The following SVIL variants were observed in gnomAD, a reference collection of about 807,000 sequenced individuals.
SVIL encodes supervillin, also known as archvillin.
SVIL carries 101 observed loss-of-function variants against 240.4 expected under a neutral mutation model. The observed-to-expected ratio is 0.42, with a 90% CI of 0.36 to 0.50. SVIL has a LOEUF of 0.50. Among genes scored for constraint, SVIL ranks in the 20% least tolerant of loss-of-function variants. The pLI is 0.01. For missense variants in SVIL, 2,512 were observed against 2,818.7 expected (o/e 0.89, Z 2.46); for synonymous variants, 999 against 1,100.0 (o/e 0.91, Z 1.82).
chr10:29,589,233 C>G (rs1308935244), intron 1 of SVIL, among the ~76,000 whole-genome samples: 4 of 152,154 alleles, frequency 2.6e-5, no homozygotes, highest in Admixed American at 2.6e-4. Context: ...GTAACACCAA[C>G]CCCATGCCGC....
At chr10:29,497,822 C>A (rs1320544447) in intron 18 of SVIL, among the ~76,000 whole-genome samples, 2 of 152,132 alleles carry the variant, frequency 1.3e-5, no homozygotes, top group African/African-American at 4.8e-5. Flanking sequence ...TGGCTCATGC[C>A]TGTAATCCCA....
Position 29,532,824 on chromosome 10 carries a change from T to C in SVIL, c.1543A>G (p.Met515Val), listed in dbSNP as rs142276733. The C allele has an allele frequency of 5.6e-6, 9 of 1,613,984 alleles. No homozygotes were observed. The highest frequency in any genetic ancestry group is 7.6e-6 in the Non-Finnish European group (9 of 1,180,024). The change falls in exon 8 of 38, where the codon ATG becomes GTG. Residue 515 changes from methionine (M) to valine (V), a missense_variant. By Grantham distance (21) the Met-to-Val change is conservative (BLOSUM62 1). This residue lies in a region of SVIL where 1,443 missense variants were observed against 1,486.6 expected (regional missense o/e 0.97). Coordinates refer to ENST00000355867, the MANE Select transcript of SVIL (RefSeq NM_021738.3). ...QPTERTGRSEMVLYIQSEPVS... is the reference protein window; with the variant it reads ...QPTERTGRSEVVLYIQSEPVS... ...GGCTCACTTTGAATGTAGAGAACCA[T>C]CTCGCTCCTGCCTGTCCTCTCAGTG... is the stretch of plus-strand genomic sequence containing the variant.
At chr10:29,607,179 C>T (rs573232280) in intron 1 of SVIL, among the ~76,000 whole-genome samples, 26 of 152,302 alleles carry the variant, frequency 1.7e-4, no homozygotes, top group African/African-American at 4.6e-4. Context: ...TAGTTTTCTT[C>T]GTTGACTTTA....
At chr10:29,638,240 T>C (rs1958373690), upstream of SVIL, among the ~76,000 whole-genome samples, 1 of 152,112 alleles carries the variant, frequency 6.6e-6, no homozygotes, top group Non-Finnish European at 1.5e-5. Context: ...GGCGGATGGA[T>C]TACCTGAGGT....
In SVIL at chr10:29,473,718, T is replaced by A. The variant is rs112002404; in HGVS notation, c.5529+120A>T. The A allele has an allele frequency of 1.8e-5, 24 of 1,360,242 alleles. No homozygotes were observed. The African/African-American group carries it at 1.9e-4, about 11-fold the overall frequency. 84.3% of individuals were successfully genotyped at this position (1,360,242 alleles called of 1,614,324 possible). On this transcript the variant is annotated intron_variant, in intron 30 of 37. Transcript: ENST00000355867. ...GAAGCCAGACCAGGACTGAAGTGCT[T>A]TGGGTGACGTGGTCTTCCATTATCA... is the stretch of plus-strand genomic sequence containing the variant.
intron 1 of SVIL, among the ~76,000 whole-genome samples, chr10:29,709,108 G>T (rs1963106298): frequency 6.6e-6 from 1 of 152,160 alleles, no homozygotes; most frequent in African/African-American, 2.4e-5. Flanking sequence ...AAAATATGGG[G>T]CAGGGGGAAA....
At chr10:29,731,268 G>A (rs1015146926) in intron 1 of SVIL, among the ~76,000 whole-genome samples, 1 of 152,190 alleles carries the variant, frequency 6.6e-6, no homozygotes, top group African/African-American at 2.4e-5. Context: ...TCCCAGGCCT[G>A]TCACACTATA....
chr10:29,540,150 A>T (rs1352041121), intron 6 of SVIL, among the ~76,000 whole-genome samples: 1 of 152,166 alleles, frequency 6.6e-6, no homozygotes, highest in East Asian at 1.9e-4. Flanking sequence ...CAGATGAGTC[A>T]TTCCTCTTGT....
intron 2 of SVIL, among the ~76,000 whole-genome samples, chr10:29,666,867 C>G (rs994509498): frequency 6.6e-6 from 1 of 152,138 alleles, no homozygotes; most frequent in African/African-American, 2.4e-5. Flanking sequence ...TCCACCCAAA[C>G]CTCATCTTGA....
chr10:29,701,450 G>T (rs1962509718), intron 1 of SVIL, among the ~76,000 whole-genome samples: 1 of 152,168 alleles, frequency 6.6e-6, no homozygotes, highest in Non-Finnish European at 1.5e-5. Context: ...TTGAGTTTGG[G>T]AGAAGAGAGA....
intron 1 of SVIL, among the ~76,000 whole-genome samples, chr10:29,696,031 CG>C (rs2132627748): frequency 6.6e-6 from 1 of 151,536 alleles, no homozygotes; most frequent in African/African-American, 2.4e-5. Flanking sequence ...GCTGCCATCT[CG>C]GCTCTCTGCA....
chr10:29,546,940 T>C (rs1409235048), intron 6 of SVIL, among the ~76,000 whole-genome samples: 1 of 152,198 alleles, frequency 6.6e-6, no homozygotes, highest in East Asian at 1.9e-4. Context: ...AACCACAGCA[T>C]TAAACATTAT....
intron 21 of SVIL, among the ~76,000 whole-genome samples, chr10:29,491,313 C>T (rs1947933115): frequency 6.9e-6 from 1 of 144,550 alleles, no homozygotes; most frequent in Admixed American, 6.9e-5. Context: ...TGCTAGACAG[C>T]TCTAGGGTTT....
intron 1 of SVIL, among the ~76,000 whole-genome samples, chr10:29,631,911 T>G (rs771148573): frequency 6.6e-6 from 1 of 152,180 alleles, no homozygotes; most frequent in Non-Finnish European, 1.5e-5. Context: ...AGCCCAGAAC[T>G]GCTGGAAAGT....
At chr10:29,559,186 G>T (rs1954222470) in intron 3 of SVIL, among the ~76,000 whole-genome samples, 1 of 151,760 alleles carries the variant, frequency 6.6e-6, no homozygotes, top group African/African-American at 2.4e-5. Context: ...AATCTTGAAG[G>T]TTTGTGTTCT....
intron 1 of SVIL, among the ~76,000 whole-genome samples, chr10:29,712,210 G>C (rs1018080830): frequency 5.9e-5 from 9 of 152,010 alleles, no homozygotes; most frequent in Admixed American, 2.0e-4. Flanking sequence ...TTGGATATTC[G>C]ACCCTTTGGA....
chr10:29,558,492 G>T (rs967595207), intron 3 of SVIL, among the ~76,000 whole-genome samples: 25 of 152,098 alleles, frequency 1.6e-4, no homozygotes, highest in African/African-American at 6.0e-4. Flanking sequence ...CATTCCTACA[G>T]AAACGGGATT....
chr10:29,479,567 T>C (rs948909916), intron 29 of SVIL, among the ~76,000 whole-genome samples: 2 of 152,192 alleles, frequency 1.3e-5, no homozygotes, highest in Non-Finnish European at 2.9e-5. Context: ...CTGCTTTATG[T>C]CACTGAGACA....
chr10:29,622,315 G>A (rs1276385390), intron 1 of SVIL, among the ~76,000 whole-genome samples: 1 of 148,736 alleles, frequency 6.7e-6, no homozygotes, highest in African/African-American at 2.5e-5. Flanking sequence ...TCGTTTTTCA[G>A]GTGAGAAAAC....
Sources: allele counts gnomAD v4.1 joint callset (sites outside exome capture counted in the v4.1 genomes callset), GRCh38; gene constraint gnomAD v4.1.1; regional missense constraint gnomAD v4.1.1; transcripts MANE v1.5; gene names NCBI Gene and HGNC (gene_info 2026-07-23, HGNC 2026-07-21).